PCDH15: variants seen among roughly 807,000 people sequenced by gnomAD.
PCDH15 encodes protocadherin related 15.
In PCDH15, 129 loss-of-function variants were observed where a neutral mutation model predicts 178.5. The observed-to-expected ratio is 0.72, with a 90% confidence interval of 0.63 to 0.84. PCDH15 has a LOEUF of 0.84. Among genes scored for constraint, PCDH15 ranks in the 40% least tolerant of loss-of-function variants. The pLI is 0.00. For synonymous variants in PCDH15, 800 were observed against 732.0 expected, an observed-to-expected ratio of 1.09 and a Z score of -1.50; for missense variants, 2,230 against 2,099.9, an observed-to-expected ratio of 1.06 and a Z score of -1.21.
At chr10:55,217,101 G>T (rs1334111806) in intron 1 of PCDH15, among the ~76,000 whole-genome samples, 2 of 151,804 alleles carry the variant, frequency 1.3e-5, no homozygotes, top group Non-Finnish European at 2.9e-5. Flanking sequence ...CCTGAACACA[G>T]AACACAAAGA....
At chr10:55,286,042 A>G (rs929265112) in intron 1 of PCDH15, among the ~76,000 whole-genome samples, 6 of 152,016 alleles carry the variant, frequency 3.9e-5, no homozygotes, top group African/African-American at 1.4e-4. Flanking sequence ...TAAATCTGAA[A>G]TGTTATGAAC....
intron 2 of PCDH15, among the ~76,000 whole-genome samples, chr10:55,118,272 G>A (rs1369983361): frequency 6.6e-6 from 1 of 152,156 alleles, no homozygotes; most frequent in African/African-American, 2.4e-5. Context: ...TAAAAAATCT[G>A]GGTCCTCTAG....
At chr10:54,919,607 G>A (rs1389452761) in intron 2 of PCDH15, among the ~76,000 whole-genome samples, 4 of 152,010 alleles carry the variant, frequency 2.6e-5, no homozygotes, top group Non-Finnish European at 4.4e-5. Flanking sequence ...TTAATTTTTG[G>A]TGTTTTTCTG....
intron 1 of PCDH15, among the ~76,000 whole-genome samples, chr10:55,289,385 A>C (rs932931968): frequency 3.3e-5 from 5 of 151,874 alleles, no homozygotes; most frequent in Non-Finnish European, 7.4e-5. Context: ...GAAAGAAAGA[A>C]GGAGACAGAA....
chr10:54,946,259 C>T (rs546901913), intron 2 of PCDH15, among the ~76,000 whole-genome samples: 10 of 151,830 alleles, frequency 6.6e-5, no homozygotes, highest in East Asian at 1.9e-4. Context: ...TTGATGACAC[C>T]GGTTGTTCAC....
intron 1 of PCDH15, among the ~76,000 whole-genome samples, chr10:54,720,753 C>CTGG (rs1941467406): frequency 6.6e-6 from 1 of 152,004 alleles, no homozygotes; most frequent in African/African-American, 2.4e-5. Flanking sequence ...ACAAATACTA[C>CTGG]TGGTCCTATG....
At chr10:54,321,706 T>G (rs1029267286) in intron 7 of PCDH15, among the ~76,000 whole-genome samples, 1 of 151,940 alleles carries the variant, frequency 6.6e-6, no homozygotes, top group Non-Finnish European at 1.5e-5. Flanking sequence ...GTGTTAAAGA[T>G]AGTGTATTTA....
At chr10:54,836,556 T>C (rs1404834668) in intron 3 of PCDH15, among the ~76,000 whole-genome samples, 2 of 152,152 alleles carry the variant, frequency 1.3e-5, no homozygotes, top group Non-Finnish European at 2.9e-5. Flanking sequence ...TGTGATTTTA[T>C]GTGTGTGTCT....
rs138234940 is a variant in PCDH15 at position 54,298,267 on chromosome 10, A to G, written c.876+19004T>C. On this transcript the variant is annotated intron_variant, in intron 8 of 37. Coordinates refer to ENST00000644397, the MANE Select transcript of PCDH15 (RefSeq NM_001384140.1). ...AAGTTTATTACCCGATCAGCCACAG[A>G]TATCAAAAGAAAGCTCCAAAAGTGA... Among the ~76,000 whole-genome samples, 538 of 152,294 alleles carry G rather than the reference A, an allele frequency of 3.5e-3. 2 individuals carry two copies. Among genetic ancestry groups the G allele is most frequent in the African/African-American group, 0.012 (506 of 41,554 alleles).
chr10:55,402,361 A>C (rs2132026016), intron 2 of PCDH15, among the ~76,000 whole-genome samples: 1 of 152,168 alleles, frequency 6.6e-6, no homozygotes, highest in South Asian at 2.1e-4. Context: ...TCATTTATTC[A>C]TATTAAGATT....
chr10:54,189,165 C>A (rs1343218895), intron 11 of PCDH15, among the ~76,000 whole-genome samples: 1 of 151,756 alleles, frequency 6.6e-6, no homozygotes, highest in African/African-American at 2.4e-5. Flanking sequence ...AATATTTTTA[C>A]CTTTTTTAAC....
intron 8 of PCDH15, among the ~76,000 whole-genome samples, chr10:54,293,070 C>T (rs143502885): frequency 0.016 from 2,435 of 152,006 alleles, 54 homozygotes; most frequent in South Asian, 0.045. Flanking sequence ...CAAACTATAC[C>T]ACAAAGCTAC....
chr10:54,936,491 A>G (rs1016705220), intron 2 of PCDH15, among the ~76,000 whole-genome samples: 2 of 152,042 alleles, frequency 1.3e-5, no homozygotes, highest in African/African-American at 4.8e-5. Flanking sequence ...TTTACATTCC[A>G]GCCAACAACG....
intron 1 of PCDH15, among the ~76,000 whole-genome samples, chr10:54,740,794 C>T (rs1216306154): frequency 2.0e-5 from 3 of 151,836 alleles, no homozygotes; most frequent in Admixed American, 6.6e-5. Flanking sequence ...CCCATGTTCT[C>T]ACTAATATGC....
At chr10:54,200,395 G>C (rs1297114435) in intron 10 of PCDH15, among the ~76,000 whole-genome samples, 1 of 151,062 alleles carries the variant, frequency 6.6e-6, no homozygotes, top group Admixed American at 6.6e-5. Context: ...ATCTACATTA[G>C]GTATTTCTCC....
intron 2 of PCDH15, among the ~76,000 whole-genome samples, chr10:55,442,587 G>A (rs1322720220): frequency 6.7e-6 from 1 of 149,080 alleles, no homozygotes; most frequent in Non-Finnish European, 1.5e-5. Context: ...ATTATCTATG[G>A]GTGGGGATAG....
intron 1 of PCDH15, among the ~76,000 whole-genome samples, chr10:55,176,148 T>C (rs368245208): frequency 1.3e-5 from 2 of 152,048 alleles, no homozygotes; most frequent in African/African-American, 2.4e-5. Flanking sequence ...CTCCTGGATA[T>C]AGGAGTGGCC....
rs1554845542 is a variant in PCDH15 at position 53,888,702 on chromosome 10, T to TATATATATATATATATATATATATATA, written c.3501+14540_3501+14541insTATATATATATATATATATATATATAT. 6.5e-5 allele frequency among the ~76,000 whole-genome samples: 3 copies of TATATATATATATATATATATATATATA among 46,200 alleles called. 1 individual carries two copies. The highest frequency in any genetic ancestry group is 1.3e-4 in the Non-Finnish European group (3 of 22,334). 30.3% of individuals were successfully genotyped at this position (46,200 alleles called of 152,430 possible). A position where few individuals can be genotyped will look rare whatever the true frequency, so the allele number is the denominator to read the frequency against. On this transcript the variant is annotated intron_variant, in intron 26 of 37. Coordinates refer to ENST00000644397, the MANE Select transcript of PCDH15 (RefSeq NM_001384140.1). ...ATATATATATATATATATATATATA[T>TATATATATATATATATATATATATATA]ATCTCCTGTGGAAATTGATAAGCTG...
chr10:54,367,658 G>A (rs1947008417), intron 5 of PCDH15, among the ~76,000 whole-genome samples: 1 of 151,864 alleles, frequency 6.6e-6, no homozygotes, highest in South Asian at 2.1e-4. Flanking sequence ...GCCTGTTGGG[G>A]GAGTGAGGGG....
Sources: gnomAD v4.1 joint callset for allele counts (sites outside exome capture counted in the v4.1 genomes callset) on GRCh38, gnomAD v4.1.1 for gene constraint, MANE v1.5 for transcripts, NCBI Gene and HGNC (gene_info 2026-07-23, HGNC 2026-07-21) for gene names.